Variants in KLF8 observed in about 807,000 individuals in gnomAD.
The protein encoded by KLF8 is Krueppel-like factor 8.
A neutral mutation model predicts 18.2 loss-of-function variants in KLF8; 10 were observed. That is an observed-to-expected ratio of 0.55 (90% CI 0.34 to 0.93). The LOEUF is 0.93. Ranked by LOEUF, KLF8 falls within the 40% of genes least tolerant of loss-of-function variation. The pLI is 0.02. For synonymous variants in KLF8, 109 were observed against 97.3 expected (o/e 1.12, Z -0.71); for missense variants, 264 against 277.9 (o/e 0.95, Z 0.36).
the KLF8 span, among the ~76,000 whole-genome samples, chrX:56,106,483 T>G: frequency 8.9e-6 from 1 of 112,103 alleles, no homozygotes; most frequent in Non-Finnish European, 1.9e-5. Context: ...ACTGATACCC[T>G]TTCTTCCATT....
the KLF8 span, among the ~76,000 whole-genome samples, chrX:56,166,834 G>A: frequency 9.0e-6 from 1 of 111,462 alleles, no homozygotes; most frequent in East Asian, 2.8e-4. Context: ...TTAGCAGGCT[G>A]GGTTGAAGCC....
the KLF8 span, among the ~76,000 whole-genome samples, chrX:56,134,479 C>G: frequency 9.0e-6 from 1 of 111,521 alleles, no homozygotes; most frequent in African/African-American, 3.3e-5. Flanking sequence ...AGACTATATC[C>G]TCATCTCTCA....
chrX:56,072,450 G>A, the KLF8 span, among the ~76,000 whole-genome samples: 2 of 111,550 alleles, frequency 1.8e-5, no homozygotes, highest in East Asian at 2.8e-4. Flanking sequence ...TACTAGTATT[G>A]TGTTATTGGC....
chrX:56,023,348 T>G, the KLF8 span, among the ~76,000 whole-genome samples: 126 of 112,046 alleles, frequency 1.1e-3, no homozygotes, highest in African/African-American at 4.0e-3. Context: ...GATTAGCTGC[T>G]GTAACCAAAA....
the KLF8 span, among the ~76,000 whole-genome samples, chrX:56,191,138 T>C: frequency 8.9e-6 from 1 of 111,749 alleles, no homozygotes; most frequent in Non-Finnish European, 1.9e-5. Context: ...TTATAAATGA[T>C]ACTACAGAAA....
chrX:55,943,196 C>G, the KLF8 span, among the ~76,000 whole-genome samples: 1 of 110,786 alleles, frequency 9.0e-6, no homozygotes, highest in Non-Finnish European at 1.9e-5. Context: ...AATTTTGGAA[C>G]TAAAATTAAC....
the KLF8 span, among the ~76,000 whole-genome samples, chrX:55,922,163 T>C: frequency 8.9e-6 from 1 of 112,729 alleles, no homozygotes; most frequent in South Asian, 3.7e-4. Flanking sequence ...AATACATGCA[T>C]ACGTATGTTC....
At chrX:56,238,344 G>A (rs2066503646) in intron 1 of KLF8, among the ~76,000 whole-genome samples, 2 of 110,979 alleles carry the variant, frequency 1.8e-5, no homozygotes, top group Non-Finnish European at 3.8e-5. Context: ...GTGTGGTGGT[G>A]CATGCCTGTA....
the KLF8 span, among the ~76,000 whole-genome samples, chrX:56,183,746 G>A: frequency 8.9e-6 from 1 of 111,796 alleles, no homozygotes; most frequent in Non-Finnish European, 1.9e-5. Context: ...AGGAAGAGAA[G>A]ATGACAAAAC....
chrX:55,928,211 G>A, the KLF8 span, among the ~76,000 whole-genome samples: 2 of 111,587 alleles, frequency 1.8e-5, no homozygotes, highest in Non-Finnish European at 3.8e-5. Context: ...TGGATTTTGG[G>A]TGAGAATACC....
the KLF8 span, among the ~76,000 whole-genome samples, chrX:56,083,350 G>A: frequency 8.9e-6 from 1 of 112,006 alleles, no homozygotes; most frequent in Non-Finnish European, 1.9e-5. Context: ...TGAAGTAAAT[G>A]CAGGAAGTTT....
the KLF8 span, among the ~76,000 whole-genome samples, chrX:56,065,211 C>T: frequency 8.9e-6 from 1 of 111,774 alleles, no homozygotes; most frequent in Non-Finnish European, 1.9e-5. Flanking sequence ...CCTTCTGGGA[C>T]ATCACAATTT....
chrX:56,083,163 G>A, the KLF8 span, among the ~76,000 whole-genome samples: 1 of 111,536 alleles, frequency 9.0e-6, no homozygotes, highest in African/African-American at 3.3e-5. Context: ...AAATTATTTG[G>A]CTTGATGGTG....
chrX:56,156,755 C>T, the KLF8 span, among the ~76,000 whole-genome samples: 1 of 100,275 alleles, frequency 1.0e-5, no homozygotes, highest in East Asian at 3.4e-4. Flanking sequence ...CATGATGTTC[C>T]CCTTCCTGTG....
At chrX:56,077,140 A>G in the KLF8 span, among the ~76,000 whole-genome samples, 2 of 111,664 alleles carry the variant, frequency 1.8e-5, no homozygotes, top group East Asian at 5.6e-4. Flanking sequence ...AAGCTATTTA[A>G]TTTAATTAGA....
chrX:56,264,421 C>T (rs755995712), intron 2 of KLF8, among the ~76,000 whole-genome samples: 2 of 108,027 alleles, frequency 1.9e-5, no homozygotes, highest in Non-Finnish European at 1.9e-5. Context: ...GTTTTTTAAA[C>T]TAATAAATTG....
the KLF8 span, among the ~76,000 whole-genome samples, chrX:56,108,481 T>C: frequency 8.9e-6 from 1 of 112,175 alleles, no homozygotes; most frequent in Non-Finnish European, 1.9e-5. Flanking sequence ...TTTTCATATG[T>C]ATGTGTATAT....
At chrX:55,944,000 G>T in the KLF8 span, among the ~76,000 whole-genome samples, 2 of 112,302 alleles carry the variant, frequency 1.8e-5, no homozygotes, top group Non-Finnish European at 3.8e-5. Flanking sequence ...TGATAGAAAT[G>T]TTCCTTCCAT....
chrX:56,159,289 C>G, the KLF8 span, among the ~76,000 whole-genome samples: 1 of 111,787 alleles, frequency 8.9e-6, no homozygotes, highest in Non-Finnish European at 1.9e-5. Context: ...TTAGGTTTGC[C>G]ATTGTTTTAT....
Sources: gnomAD v4.1 joint callset for allele counts (sites outside exome capture counted in the v4.1 genomes callset) on GRCh38, gnomAD v4.1.1 for gene constraint, MANE v1.5 for transcripts, NCBI Gene and HGNC (gene_info 2026-07-23, HGNC 2026-07-21) for gene names.